TUSC3: variants seen among roughly 807,000 people sequenced by gnomAD.
The protein encoded by TUSC3 is dolichyl-diphosphooligosaccharide--protein glycosyltransferase subunit TUSC3.
A neutral mutation model predicts 44.8 loss-of-function variants in TUSC3; 45 were observed. The ratio of observed to expected loss-of-function variants is 1.00; its 90% CI spans 0.79 to 1.29. The LOEUF (loss-of-function observed/expected upper bound fraction) is 1.29. Among genes scored for constraint, TUSC3 ranks in the 50% most tolerant of loss-of-function variants. The pLI is 0.00. For missense variants in TUSC3, 519 were observed against 437.9 expected (o/e 1.19, Z -1.65); for synonymous variants, 212 against 152.9 (o/e 1.39, Z -2.85).
At chr8:15,695,480 G>A (rs1270922425) in intron 6 of TUSC3, among the ~76,000 whole-genome samples, 2 of 152,138 alleles carry the variant, frequency 1.3e-5, no homozygotes, top group African/African-American at 2.4e-5. Flanking sequence ...CCAGGCTTGG[G>A]TGTGTCTTTA....
chr8:15,590,862 C>A (rs545666910), intron 1 of TUSC3, among the ~76,000 whole-genome samples: 1 of 151,918 alleles, frequency 6.6e-6, no homozygotes. Context: ...TTTGAGGAGA[C>A]GGAGTTTTGC....
At chr8:15,786,811 G>T in the TUSC3 span, among the ~76,000 whole-genome samples, 1 of 151,470 alleles carries the variant, frequency 6.6e-6, no homozygotes, top group Admixed American at 6.6e-5. Flanking sequence ...GGGTGTGGTG[G>T]TGGGCGCCTG....
chr8:15,738,827 C>CTTTTTTTTTCTTTCTTT (rs1554484836), intron 7 of TUSC3, among the ~76,000 whole-genome samples: 1 of 87,172 alleles, frequency 1.1e-5, no homozygotes, highest in Non-Finnish European at 2.1e-5. Flanking sequence ...ATATATCTTG[C>CTTTTTTTTTCTTTCTTT]TTTTTTTTTT....
intron 1 of TUSC3, among the ~76,000 whole-genome samples, chr8:15,482,057 C>G (rs547833511): frequency 1.2e-4 from 19 of 152,314 alleles, no homozygotes; most frequent in African/African-American, 4.3e-4. Context: ...GTTGTCATCT[C>G]AACAATGTTC....
intron 6 of TUSC3, among the ~76,000 whole-genome samples, chr8:15,682,099 G>T (rs1455968804): frequency 1.3e-5 from 2 of 152,198 alleles, no homozygotes; most frequent in East Asian, 3.9e-4. Flanking sequence ...ATTGATCTTC[G>T]AGTATGTTTC....
chr8:15,470,658 C>T (rs1487795372), intron 1 of TUSC3, among the ~76,000 whole-genome samples: 2 of 152,116 alleles, frequency 1.3e-5, no homozygotes, highest in African/African-American at 4.8e-5. Flanking sequence ...TAAATTCCTT[C>T]CATTCAAAGT....
intron 6 of TUSC3, among the ~76,000 whole-genome samples, chr8:15,718,278 G>A (rs1465838049): frequency 6.6e-6 from 1 of 152,112 alleles, no homozygotes; most frequent in Non-Finnish European, 1.5e-5. Context: ...TGGCAGTAGA[G>A]AATAGGAAAT....
At chr8:15,717,704 C>T (rs1013464856) in intron 6 of TUSC3, among the ~76,000 whole-genome samples, 1 of 152,070 alleles carries the variant, frequency 6.6e-6, no homozygotes, top group Non-Finnish European at 1.5e-5. Flanking sequence ...GGACATATAG[C>T]TAAATTGGCC....
At chr8:15,690,879 A>T (rs569234196) in intron 6 of TUSC3, among the ~76,000 whole-genome samples, 1 of 151,932 alleles carries the variant, frequency 6.6e-6, no homozygotes, top group East Asian at 1.9e-4. Context: ...TTGTACCGGT[A>T]CAATGGTGTT....
the TUSC3 span, among the ~76,000 whole-genome samples, chr8:15,840,703 T>C: frequency 6.6e-6 from 1 of 152,166 alleles, no homozygotes; most frequent in Non-Finnish European, 1.5e-5. Context: ...AAAAACACTT[T>C]TAGCCTGTTT....
intron 1 of TUSC3, among the ~76,000 whole-genome samples, chr8:15,549,278 A>G: frequency 6.6e-6 from 1 of 151,598 alleles, no homozygotes; most frequent in Non-Finnish European, 1.5e-5. Context: ...GATTCAAGTG[A>G]TTCTCCTGCC....
At chr8:15,597,834 A>G (rs891025856) in intron 1 of TUSC3, among the ~76,000 whole-genome samples, 1 of 152,054 alleles carries the variant, frequency 6.6e-6, no homozygotes, top group African/African-American at 2.4e-5. Context: ...TATGGCCTAC[A>G]TTTTTAAGGC....
At chr8:15,703,500 AT>A (rs1809489955) in intron 6 of TUSC3, among the ~76,000 whole-genome samples, 1 of 152,048 alleles carries the variant, frequency 6.6e-6, no homozygotes, top group Admixed American at 6.6e-5. Context: ...GTCTTTGGCC[AT>A]TTGGGTTGTT....
At chr8:15,825,447 A>G in the TUSC3 span, among the ~76,000 whole-genome samples, 25 of 152,068 alleles carry the variant, frequency 1.6e-4, no homozygotes, top group Admixed American at 1.6e-3. Flanking sequence ...TGTCACAAGA[A>G]CAGCATTGTG....
At chr8:15,690,386 A>G (rs1424760676) in intron 6 of TUSC3, among the ~76,000 whole-genome samples, 1 of 151,942 alleles carries the variant, frequency 6.6e-6, no homozygotes, top group Non-Finnish European at 1.5e-5. Context: ...GTTTCTTACA[A>G]ATTCTGAATA....
chr8:15,744,373 CT>C (rs1173415182), intron 8 of TUSC3, among the ~76,000 whole-genome samples: 1 of 152,088 alleles, frequency 6.6e-6, no homozygotes, highest in East Asian at 1.9e-4. Context: ...TGCCACAGAC[CT>C]TTTTATAGTT....
At chr8:15,612,626 GA>G (rs1355792073) in intron 1 of TUSC3, among the ~76,000 whole-genome samples, 4 of 152,070 alleles carry the variant, frequency 2.6e-5, no homozygotes, top group Non-Finnish European at 4.4e-5. Flanking sequence ...ATACAAGAAG[GA>G]AAAAATATAA....
chr8:15,482,462 A>G (rs1035386116), intron 1 of TUSC3, among the ~76,000 whole-genome samples: 1 of 152,222 alleles, frequency 6.6e-6, no homozygotes, highest in African/African-American at 2.4e-5. Flanking sequence ...TGTTTAAAGT[A>G]TGGTTTACTG....
intron 2 of TUSC3, among the ~76,000 whole-genome samples, chr8:15,503,574 C>G (rs933353392): frequency 7.2e-5 from 11 of 152,104 alleles, no homozygotes; most frequent in African/African-American, 2.7e-4. Flanking sequence ...CATGGTGGCT[C>G]ACACCTGTAG....
Sources: allele counts gnomAD v4.1 joint callset (sites outside exome capture counted in the v4.1 genomes callset), GRCh38; gene constraint gnomAD v4.1.1; transcripts MANE v1.5; gene names NCBI Gene and HGNC (gene_info 2026-07-23, HGNC 2026-07-21).